The following VPS41 variants were observed in gnomAD, a reference collection of about 807,000 sequenced individuals.
The protein encoded by VPS41 is vacuolar protein sorting-associated protein 41 homolog.
In VPS41, 85 loss-of-function variants were observed where a neutral mutation model predicts 130.9. The observed-to-expected ratio is 0.65, with a 90% confidence interval of 0.55 to 0.78. VPS41 has a LOEUF of 0.78. Ranked by LOEUF, VPS41 falls within the 30% of genes least tolerant of loss-of-function variation. VPS41 has a pLI of 0.00. For missense variants in VPS41, 874 were observed against 1,018.7 expected (o/e 0.86, Z 1.93); for synonymous variants, 335 against 332.9 (o/e 1.01, Z -0.07).
chr7:38,757,760 A>G (rs1783829922), intron 18 of VPS41, among the ~76,000 whole-genome samples: 1 of 152,140 alleles, frequency 6.6e-6, no homozygotes, highest in Non-Finnish European at 1.5e-5. Context: ...CGTCTTGGCT[A>G]GACCTGCAGT....
intron 4 of VPS41, among the ~76,000 whole-genome samples, chr7:38,839,393 T>G (rs1785560427): frequency 6.6e-6 from 1 of 152,238 alleles, no homozygotes; most frequent in Non-Finnish European, 1.5e-5. Context: ...ATACTTATTT[T>G]CTCACTGACT....
chr7:38,812,969 T>C (rs1456770477), intron 7 of VPS41, among the ~76,000 whole-genome samples: 1 of 152,144 alleles, frequency 6.6e-6, no homozygotes, highest in Non-Finnish European at 1.5e-5. Flanking sequence ...TGGGAAACGG[T>C]TTGGCAATTC....
At chr7:38,884,333 T>C (rs1045985505) in intron 2 of VPS41, among the ~76,000 whole-genome samples, 2 of 152,228 alleles carry the variant, frequency 1.3e-5, no homozygotes, top group African/African-American at 2.4e-5. Flanking sequence ...TACAGGTTTA[T>C]TTTAAATAAT....
chr7:38,886,758 C>T (rs931325973), intron 2 of VPS41, among the ~76,000 whole-genome samples: 1 of 152,270 alleles, frequency 6.6e-6, no homozygotes, highest in Non-Finnish European at 1.5e-5. Flanking sequence ...CTGGGAGACA[C>T]CTTCCAGTAG....
chr7:38,908,506 TCTAA>T lies in VPS41; in HGVS notation c.21+644_21+647del, dbSNP rs374920980. ...TACTAAGCCCAACAGTTCTAAGTAC[TCTAA>T]CTTTGTGTATAAACTCCTCTCTCCA... On this transcript the variant is annotated intron_variant, in intron 1 of 28. Transcript: ENST00000310301. Among the ~76,000 whole-genome samples, 1,014 of 139,532 alleles carry T rather than the reference TCTAA, an allele frequency of 7.3e-3. 12 individuals carry two copies. The highest frequency in any genetic ancestry group is 0.022 in the African/African-American group (921 of 41,114). The allele number at this position is 139,532 out of a possible 152,430, so 91.5% of individuals were successfully genotyped here.
chr7:38,805,394 G>A (rs1784819837), intron 7 of VPS41, among the ~76,000 whole-genome samples: 3 of 152,036 alleles, frequency 2.0e-5, no homozygotes, highest in Admixed American at 1.3e-4. Flanking sequence ...TTAGCTGGGC[G>A]TGGTGGTGCA....
chr7:38,735,949 C>T (rs1466404889), intron 25 of VPS41, among the ~76,000 whole-genome samples: 4 of 152,124 alleles, frequency 2.6e-5, no homozygotes, highest in Admixed American at 6.5e-5. Flanking sequence ...AAGGGATGGA[C>T]AATTTGTCAT....
chr7:38,876,504 G>A (rs1359086994), intron 2 of VPS41, among the ~76,000 whole-genome samples: 6 of 152,074 alleles, frequency 3.9e-5, no homozygotes, highest in African/African-American at 9.7e-5. Flanking sequence ...CACATCACCC[G>A]GTTGCTGTAA....
At chr7:38,857,002 T>C (rs1786001746) in intron 4 of VPS41, among the ~76,000 whole-genome samples, 1 of 152,200 alleles carries the variant, frequency 6.6e-6, no homozygotes, top group African/African-American at 2.4e-5. Flanking sequence ...TAGGACTTGA[T>C]GTGGGAAGTA....
intron 22 of VPS41, among the ~76,000 whole-genome samples, chr7:38,747,055 T>G (rs1441798224): frequency 6.6e-6 from 1 of 152,216 alleles, no homozygotes; most frequent in Non-Finnish European, 1.5e-5. Context: ...TCACTCACAG[T>G]TGAATCTAAT....
intron 7 of VPS41, among the ~76,000 whole-genome samples, chr7:38,809,609 C>G (rs1011565875): frequency 1.3e-5 from 2 of 152,026 alleles, no homozygotes; most frequent in Non-Finnish European, 2.9e-5. Context: ...CATCTCTGTC[C>G]TTCAGGTAAA....
intron 14 of VPS41, 88 bp from the exon 15 acceptor site, chr7:38,767,686 G>GT: frequency 4.5e-6 from 4 of 881,240 alleles, no homozygotes; most frequent in Non-Finnish European, 7.3e-6. Context: ...CATAACATTA[G>GT]GGTCCTATTA....
chr7:38,786,754 T>C (rs1184022759), intron 10 of VPS41, among the ~76,000 whole-genome samples: 1 of 152,110 alleles, frequency 6.6e-6, no homozygotes, highest in Non-Finnish European at 1.5e-5. Flanking sequence ...TAAAAACACC[T>C]TGAAGAATGC....
At chr7:38,797,466 TAATATAA>T (rs1784643859) in intron 7 of VPS41, among the ~76,000 whole-genome samples, 1 of 152,222 alleles carries the variant, frequency 6.6e-6, no homozygotes, top group African/African-American at 2.4e-5. Context: ...GGATAAATTT[TAATATAA>T]AATATAACTG....
intron 14 of VPS41, 138 bp downstream of exon 14, chr7:38,771,060 G>A (rs1319649586): frequency 1.5e-6 from 1 of 667,572 alleles, no homozygotes. Flanking sequence ...AAAATATTTT[G>A]ATCTCATAGG....
chr7:38,891,444 C>T (rs1204290143), intron 2 of VPS41, among the ~76,000 whole-genome samples: 2 of 152,148 alleles, frequency 1.3e-5, no homozygotes, highest in Middle Eastern at 3.4e-3. Context: ...TATCCTAAAT[C>T]GGGAATCAGC....
intron 1 of VPS41, among the ~76,000 whole-genome samples, chr7:38,899,833 G>T (rs530199364): frequency 6.6e-6 from 1 of 152,176 alleles, no homozygotes; most frequent in South Asian, 2.1e-4. Context: ...AAAGACACTT[G>T]AGTACTCTTT....
chr7:38,772,248 C>A (rs1170374207), intron 13 of VPS41, among the ~76,000 whole-genome samples: 3 of 151,932 alleles, frequency 2.0e-5, no homozygotes, highest in Non-Finnish European at 2.9e-5. Flanking sequence ...TGAACAAAAT[C>A]AAAAAATGAA....
At chr7:38,728,311 C>T in intron 27 of VPS41, 1 of 682,358 alleles carries the variant, frequency 1.5e-6, no homozygotes. Flanking sequence ...ATCTGGGTTC[C>T]AATAAGCCTG....
Sources: gnomAD v4.1 joint callset for allele counts (sites outside exome capture counted in the v4.1 genomes callset) on GRCh38, gnomAD v4.1.1 for gene constraint, MANE v1.5 for transcripts, NCBI Gene and HGNC (gene_info 2026-07-23, HGNC 2026-07-21) for gene names.